Variants in CFAP61 observed in about 807,000 individuals in gnomAD.
CFAP61 encodes cilia and flagella associated protein 61, also known as cilia- and flagella-associated protein 61.
Under a neutral mutation model 135.6 loss-of-function variants are expected in CFAP61, and 107 were observed. The observed-to-expected ratio is 0.79, with a 90% confidence interval of 0.67 to 0.93. The LOEUF is 0.93. CFAP61 is among the 40% of genes least tolerant of loss of function. CFAP61 has a pLI of 0.00. For missense variants in CFAP61, 1,507 were observed against 1,556.2 expected, an observed-to-expected ratio of 0.97 and a Z score of 0.53; for synonymous variants, 575 against 578.5, an observed-to-expected ratio of 0.99 and a Z score of 0.09.
intron 26 of CFAP61, among the ~76,000 whole-genome samples, chr20:20,353,045 A>T (rs1280631830): frequency 3.3e-5 from 5 of 152,358 alleles, no homozygotes; most frequent in Non-Finnish European, 7.3e-5. Context: ...ACAGGAAAAC[A>T]AATGACCTGA....
chr20:20,180,489 A>G (rs1022241260), intron 13 of CFAP61, among the ~76,000 whole-genome samples: 3 of 152,224 alleles, frequency 2.0e-5, no homozygotes, highest in African/African-American at 7.2e-5. Context: ...ACCAGTCAGA[A>G]TGGCTATTAC....
intron 13 of CFAP61, among the ~76,000 whole-genome samples, chr20:20,180,566 T>G (rs960324233): frequency 6.6e-6 from 1 of 151,402 alleles, no homozygotes; most frequent in African/African-American, 2.4e-5. Context: ...TTTGTGGGAG[T>G]GTAAATTAGT....
In CFAP61 at chr20:20,290,295, T is replaced by C. The variant is rs766799449; in HGVS notation, c.3125-5T>C. On this transcript the variant is annotated splice_region_variant and splice_polypyrimidine_tract_variant and intron_variant, in intron 23 of 26. Transcript: ENST00000245957. ...TTTAAATGGAAAACTTGCCATCTCT[T>C]CTAGGGGGCATTCTTCCTGGGTCTT... 1.9e-6 allele frequency: 3 copies of C among 1,595,198 alleles called. No homozygotes were observed. The highest frequency in any genetic ancestry group is 2.6e-6 in the Non-Finnish European group (3 of 1,162,612).
intron 25 of CFAP61, among the ~76,000 whole-genome samples, chr20:20,340,653 C>G (rs570540216): frequency 2.0e-5 from 3 of 152,100 alleles, no homozygotes; most frequent in Non-Finnish European, 4.4e-5. Context: ...AGGAAAGCAG[C>G]GAGCAGGCGG....
At chr20:20,052,865 G>C (rs1490833538) in intron 1 of CFAP61, 3 of 761,758 alleles carry the variant, frequency 3.9e-6, no homozygotes, top group Non-Finnish European at 4.2e-6. Flanking sequence ...TTGCATTCTA[G>C]TAGTCTCTGG....
At chr20:20,309,247 G>A (rs1032759404) in intron 25 of CFAP61, among the ~76,000 whole-genome samples, 4 of 152,184 alleles carry the variant, frequency 2.6e-5, no homozygotes, top group Non-Finnish European at 4.4e-5. Context: ...CACTCCAAAA[G>A]CAATATGTGT....
chr20:20,359,539 C>T lies in CFAP61; in HGVS notation c.3514-671C>T, dbSNP rs988449323. Among the ~76,000 whole-genome samples the T allele has an allele frequency of 6.6e-6, 1 of 152,046 alleles. No individual in the cohort carries two copies. The highest frequency in any genetic ancestry group is 2.4e-5 in the African/African-American group (1 of 41,386). ...ATTAGCCAGGCATGGTGGGCCATGC[C>T]TGTAGTCCCAGCTACTTGGGAGGCT... is the stretch of plus-strand genomic sequence containing the variant. On this transcript the variant is annotated intron_variant, in intron 26 of 26. Transcript: ENST00000245957. The surrounding 1 kb of genome is among the most constrained non-coding windows in gnomAD (Gnocchi z 4.0).
rs752795504 is a variant in CFAP61, at chr20:20,144,523, C to T, written c.951+1575C>T. On this transcript the variant is annotated intron_variant, in intron 9 of 26. Coordinates refer to ENST00000245957, the MANE Select transcript of CFAP61 (RefSeq NM_015585.4). ...ATAAATGAGATGTTTTTTCAAGATA[C>T]GTATCAGTGAGTTTGGGGACAACTT... Among the ~76,000 whole-genome samples, 99 of 151,568 alleles carry T rather than the reference C, an allele frequency of 6.5e-4. 1 individual carries two copies. The highest frequency in any genetic ancestry group is 1.2e-3 in the Non-Finnish European group (84 of 67,916).
intron 8 of CFAP61, among the ~76,000 whole-genome samples, chr20:20,127,316 T>C (rs1279532167): frequency 6.7e-6 from 1 of 148,680 alleles, no homozygotes; most frequent in East Asian, 2.7e-4. Context: ...ATTACCAGAG[T>C]TGGTTTTCTG....
chr20:20,212,307 G>C (rs1332154478), intron 17 of CFAP61, among the ~76,000 whole-genome samples: 2 of 152,014 alleles, frequency 1.3e-5, no homozygotes, highest in African/African-American at 4.8e-5. Flanking sequence ...TCTCCCTCCA[G>C]CCATCTCTCT....
chr20:20,251,482 C>T (rs1472986175), intron 19 of CFAP61, 113 bp from the exon 20 acceptor site: 3 of 936,760 alleles, frequency 3.2e-6, no homozygotes, highest in Non-Finnish European at 5.0e-6. Context: ...GGTAAACTCA[C>T]AGCAAGAGCA....
intron 24 of CFAP61, among the ~76,000 whole-genome samples, chr20:20,294,660 G>A (rs557491033): frequency 2.6e-5 from 4 of 152,128 alleles, no homozygotes; most frequent in Non-Finnish European, 5.9e-5. Flanking sequence ...CGGGCGCGGT[G>A]GCTCACGCCT....
chr20:20,326,733 A>T (rs1414934074), intron 25 of CFAP61, among the ~76,000 whole-genome samples: 1 of 152,094 alleles, frequency 6.6e-6, no homozygotes, highest in South Asian at 2.1e-4. Flanking sequence ...GTACTCTTCC[A>T]TGCTGTTGTA....
At chr20:20,335,364 C>G (rs1293275455) in intron 25 of CFAP61, among the ~76,000 whole-genome samples, 1 of 152,206 alleles carries the variant, frequency 6.6e-6, no homozygotes, top group African/African-American at 2.4e-5. Context: ...CATCCATTCT[C>G]TCTTTCCCCT....
intron 6 of CFAP61, among the ~76,000 whole-genome samples, 159 bp from the exon 7 acceptor site, chr20:20,090,685 T>A (rs1362710567): frequency 3.2e-5 from 2 of 62,766 alleles, no homozygotes; most frequent in African/African-American, 7.6e-5. Flanking sequence ...TGAGACTCCC[T>A]CTCAAAAAAA....
chr20:20,323,838 G>A (rs1216519895), intron 25 of CFAP61, among the ~76,000 whole-genome samples: 1 of 152,054 alleles, frequency 6.6e-6, no homozygotes, highest in African/African-American at 2.4e-5. Context: ...AATATACAAT[G>A]TATATATAAA....
intron 25 of CFAP61, among the ~76,000 whole-genome samples, chr20:20,326,063 T>C (rs539887505): frequency 1.3e-5 from 2 of 152,338 alleles, no homozygotes; most frequent in Admixed American, 1.3e-4. Context: ...CCTGTGTGGC[T>C]GGGATTACAG....
chr20:20,320,519 A>ATTATATATATT (rs376804377), intron 25 of CFAP61, among the ~76,000 whole-genome samples: 1 of 14,520 alleles, frequency 6.9e-5, no homozygotes, highest in African/African-American at 4.0e-4. Flanking sequence ...TGTAATATAT[A>ATTATATATATT]ATATATATTA....
At chr20:20,091,105 C>A in intron 7 of CFAP61, 129 bp downstream of exon 7, 2 of 1,038,218 alleles carry the variant, frequency 1.9e-6, no homozygotes, top group Admixed American at 1.9e-5. Flanking sequence ...CCTCCCACTG[C>A]CCTTCCAGGT....
Sources: gnomAD v4.1 joint callset for allele counts (sites outside exome capture counted in the v4.1 genomes callset) on GRCh38, gnomAD v4.1.1 for gene constraint, Gnocchi (gnomAD v3.1) non-coding constraint, MANE v1.5 for transcripts, NCBI Gene and HGNC (gene_info 2026-07-23, HGNC 2026-07-21) for gene names.